Variants in DDR2 observed in about 807,000 individuals in gnomAD.
DDR2 encodes discoidin domain-containing receptor 2.
A neutral mutation model predicts 94.9 loss-of-function variants in DDR2; 27 were observed. The ratio of observed to expected loss-of-function variants is 0.28; its 90% CI spans 0.21 to 0.39. The LOEUF (loss-of-function observed/expected upper bound fraction) is 0.39, where lower values mean the gene tolerates loss of function less well. Ranked by LOEUF, DDR2 falls within the 10% of genes least tolerant of loss-of-function variation. The pLI, the probability that DDR2 is intolerant of heterozygous loss-of-function variation, is 1.00. For missense variants in DDR2, 783 were observed against 1,076.0 expected, an observed-to-expected ratio of 0.73 and a Z score of 3.81; for synonymous variants, 382 against 377.2, an observed-to-expected ratio of 1.01 and a Z score of -0.15.
chr1:162,646,004 G>T (rs532696851), intron 1 of DDR2, among the ~76,000 whole-genome samples: 1 of 152,260 alleles, frequency 6.6e-6, no homozygotes, highest in East Asian at 1.9e-4. Context: ...CGTGAAGATG[G>T]CATCGAATCC....
rs761337421 is a variant in DDR2, at chr1:162,772,046, A to G, written c.1527A>G (p.Pro509=). ...EESGCSGVVK[P]VQPSGPEGVP... ...CAGGCTGCAGCGGTGTTGTGAAGCC[A>G]GTCCAGCCCAGTGGCCCTGAGGGGG... Residue 509 remains proline, a synonymous_variant, in exon 13 of 18, where the codon CCA becomes CCG. Coordinates refer to ENST00000367921, the MANE Select transcript of DDR2 (RefSeq NM_006182.4). The G allele has an allele frequency of 2.4e-5, 38 of 1,611,072 alleles. No individual in the cohort carries two copies. The highest frequency in any genetic ancestry group is 3.1e-5 in the Non-Finnish European group (37 of 1,178,812).
Position 162,677,609 on chromosome 1 carries a change from C to T in DDR2, c.-28+22235C>T, listed in dbSNP as rs116242137. Among the ~76,000 whole-genome samples the T allele has an allele frequency of 8.0e-3, 1,213 of 152,288 alleles. 15 individuals carry two copies. Among genetic ancestry groups the T allele is most frequent in the African/African-American group, 0.028 (1,154 of 41,568 alleles). ...GGGAGGACTTCTAGCTTTTCTTCTC[C>T]TGACTTTTCTACATTCCCCAGGTTG... On this transcript the variant is annotated intron_variant, in intron 2 of 17. Coordinates refer to ENST00000367921, the MANE Select transcript of DDR2 (RefSeq NM_006182.4).
At chr1:162,663,046 TCACC>T (rs1190843457) in intron 2 of DDR2, among the ~76,000 whole-genome samples, 1 of 152,162 alleles carries the variant, frequency 6.6e-6, no homozygotes, top group African/African-American at 2.4e-5. Flanking sequence ...GCCCCTTTAT[TCACC>T]CTAAGCATAA....
Position 162,645,447 on chromosome 1 carries a change from TGAGA to T in DDR2, c.-191-9753_-191-9750del, listed in dbSNP as rs564979165. ...CTATATCTGAGCAGACCTCAGGATT[TGAGA>T]GAGAGAGAGAAAAAGAAATCAAATA... On this transcript the variant is annotated intron_variant, in intron 1 of 17. Coordinates refer to ENST00000367921, the MANE Select transcript of DDR2 (RefSeq NM_006182.4). Among the ~76,000 whole-genome samples the T allele has an allele frequency of 5.1e-3, 776 of 151,926 alleles. 8 individuals are homozygous for T. The highest frequency in any genetic ancestry group is 0.017 in the African/African-American group (685 of 41,470).
intron 2 of DDR2, among the ~76,000 whole-genome samples, chr1:162,675,356 G>A (rs557984683): frequency 2.8e-4 from 42 of 152,282 alleles, no homozygotes; most frequent in African/African-American, 9.9e-4. Flanking sequence ...ACCACAGGAC[G>A]AAAGCAACTG....
intron 2 of DDR2, among the ~76,000 whole-genome samples, chr1:162,694,420 T>A (rs1660094057): frequency 6.6e-6 from 1 of 152,186 alleles, no homozygotes; most frequent in South Asian, 2.1e-4. Context: ...TGAGGGTGCA[T>A]CTACCTGTGG....
chr1:162,716,796 C>T (rs543352423), intron 2 of DDR2, among the ~76,000 whole-genome samples: 1 of 151,536 alleles, frequency 6.6e-6, no homozygotes, highest in South Asian at 2.1e-4. Flanking sequence ...AAAAAGAAAA[C>T]TCCTTACTCA....
chr1:162,667,865 C>A (rs1361786141), intron 2 of DDR2, among the ~76,000 whole-genome samples: 1 of 152,130 alleles, frequency 6.6e-6, no homozygotes, highest in Non-Finnish European at 1.5e-5. Flanking sequence ...CAATTATCTG[C>A]AGGAAATATT....
intron 2 of DDR2, among the ~76,000 whole-genome samples, chr1:162,685,346 T>C (rs944967190): frequency 2.6e-5 from 4 of 152,178 alleles, no homozygotes; most frequent in African/African-American, 7.2e-5. Context: ...CTATACCATA[T>C]ATTTTGTCAT....
intron 2 of DDR2, among the ~76,000 whole-genome samples, chr1:162,695,434 T>C (rs1282274946): frequency 6.6e-6 from 1 of 152,202 alleles, no homozygotes; most frequent in African/African-American, 2.4e-5. Flanking sequence ...TTTCACCATG[T>C]TGGCCAGGCT....
intron 1 of DDR2, among the ~76,000 whole-genome samples, chr1:162,642,591 GTTTTA>G (rs1347497242): frequency 6.6e-6 from 1 of 151,890 alleles, no homozygotes; most frequent in Admixed American, 6.6e-5. Context: ...TGCCTGGCCT[GTTTTA>G]TTTTATTTTA....
chr1:162,779,430 A>T (rs1647775945), intron 17 of DDR2, among the ~76,000 whole-genome samples: 2 of 152,214 alleles, frequency 1.3e-5, no homozygotes, highest in South Asian at 4.1e-4. Context: ...GGATTATGGT[A>T]TCTTTACCAG....
chr1:162,725,886 C>T (rs1661641469), intron 3 of DDR2, among the ~76,000 whole-genome samples: 2 of 152,206 alleles, frequency 1.3e-5, no homozygotes, highest in Admixed American at 1.3e-4. Flanking sequence ...GTGACCAGTT[C>T]TAGAAAAGAC....
At chr1:162,706,402 G>A (rs1192270565) in intron 2 of DDR2, among the ~76,000 whole-genome samples, 1 of 152,156 alleles carries the variant, frequency 6.6e-6, no homozygotes, top group East Asian at 1.9e-4. Flanking sequence ...TCAAAGCATC[G>A]TCTGAGCCCA....
intron 12 of DDR2, 159 bp downstream of exon 12, chr1:162,770,671 C>T: frequency 1.2e-6 from 1 of 800,812 alleles, no homozygotes; most frequent in Non-Finnish European, 2.2e-6. Flanking sequence ...GCCGCTGCTC[C>T]TGGCCTAATT....
chr1:162,745,435 T>C (rs1662803339), intron 3 of DDR2, among the ~76,000 whole-genome samples: 1 of 152,204 alleles, frequency 6.6e-6, no homozygotes, highest in Admixed American at 6.5e-5. Context: ...ATGTATCTTC[T>C]TCCAGGAGTT....
intron 3 of DDR2, among the ~76,000 whole-genome samples, chr1:162,722,303 A>G (rs1373652748): frequency 6.6e-6 from 1 of 152,150 alleles, no homozygotes; most frequent in South Asian, 2.1e-4. Context: ...TAAAGGTAGC[A>G]TTGTCAATGG....
intron 13 of DDR2, 41 bp from the exon 14 acceptor site, chr1:162,773,428 A>T (rs1202564295): frequency 6.2e-7 from 1 of 1,610,920 alleles, no homozygotes; most frequent in Non-Finnish European, 8.5e-7. Context: ...AGACATCTTC[A>T]GGAGAAATGA....
intron 1 of DDR2, among the ~76,000 whole-genome samples, chr1:162,651,291 G>A (rs1289558346): frequency 1.3e-5 from 2 of 152,044 alleles, no homozygotes; most frequent in African/African-American, 2.4e-5. Flanking sequence ...CTTTGTCTTC[G>A]ATTACCTGTG....
Sources: allele counts gnomAD v4.1 joint callset (sites outside exome capture counted in the v4.1 genomes callset), GRCh38; gene constraint gnomAD v4.1.1; transcripts MANE v1.5; gene names NCBI Gene and HGNC (gene_info 2026-07-23, HGNC 2026-07-21).